The following AMPD3 variants were observed in gnomAD, a reference collection of about 807,000 sequenced individuals.
AMPD3 encodes adenosine monophosphate deaminase 3, also known as AMP deaminase 3.
In AMPD3, 57 loss-of-function variants were observed where a neutral mutation model predicts 82.3. The observed-to-expected ratio is 0.69, with a 90% CI of 0.56 to 0.86. The LOEUF (loss-of-function observed/expected upper bound fraction) is 0.86, where lower values mean the gene tolerates loss of function less well. Among genes scored for constraint, AMPD3 ranks in the 40% least tolerant of loss-of-function variants. The probability of loss-of-function intolerance (pLI) is 0.00; values close to 1 mark genes in which losing one functional copy is unlikely to be tolerated. For synonymous variants in AMPD3, 381 were observed against 394.7 expected, an observed-to-expected ratio of 0.97 and a Z score of 0.41; for missense variants, 870 against 1,003.8, an observed-to-expected ratio of 0.87 and a Z score of 1.80.
chr11:10,479,928 C>T (rs1026910953), intron 3 of AMPD3: 1 of 985,312 alleles, frequency 1.0e-6, no homozygotes, highest in African/African-American at 1.7e-5. Context: ...GTCTGGAGAT[C>T]AGCATCCTGA....
At chr11:10,466,324 G>C (rs892646883) in intron 2 of AMPD3, among the ~76,000 whole-genome samples, 2 of 152,010 alleles carry the variant, frequency 1.3e-5, no homozygotes, top group African/African-American at 2.4e-5. Context: ...AGCAGTCTGA[G>C]ATCAATCTGG....
chr11:10,501,292 G>C (rs1347518334), intron 11 of AMPD3, 178 bp from the exon 12 acceptor site: 8 of 985,246 alleles, frequency 8.1e-6, no homozygotes, highest in Non-Finnish European at 8.4e-6. Context: ...TGGTTCTAAG[G>C]GGCCCCAGGG....
At chr11:10,472,404 G>A (rs1366035514) in intron 2 of AMPD3, among the ~76,000 whole-genome samples, 1 of 151,778 alleles carries the variant, frequency 6.6e-6, no homozygotes, top group Non-Finnish European at 1.5e-5. Flanking sequence ...TAACAAACCT[G>A]CACATTCTTT....
intron 2 of AMPD3, among the ~76,000 whole-genome samples, chr11:10,477,441 C>A (rs1848773039): frequency 6.6e-6 from 1 of 152,166 alleles, no homozygotes; most frequent in South Asian, 2.1e-4. Context: ...GTGCTGATGG[C>A]CTCACCTTAA....
At chr11:10,476,457 G>A (rs532992945) in intron 2 of AMPD3, among the ~76,000 whole-genome samples, 1 of 116,132 alleles carries the variant, frequency 8.6e-6, no homozygotes, top group South Asian at 2.6e-4. Flanking sequence ...CAGCATTTGG[G>A]CTGTAGTGTT....
intron 10 of AMPD3, chr11:10,497,504 C>T (rs890251886): frequency 1.1e-4 from 95 of 903,696 alleles, no homozygotes; most frequent in Non-Finnish European, 1.2e-4. Context: ...TGCCTGGGAT[C>T]GAGGGGGTAT....
chr11:10,500,710 C>T, intron 11 of AMPD3: 1 of 984,766 alleles, frequency 1.0e-6, no homozygotes, highest in Non-Finnish European at 1.2e-6. Context: ...ATGCGATAGG[C>T]ATTGCCCTGG....
At chr11:10,482,021 G>A (rs1178764538) in intron 3 of AMPD3, 42 bp from the exon 4 acceptor site, 1 of 1,613,390 alleles carries the variant, frequency 6.2e-7, no homozygotes, top group African/African-American at 1.3e-5. Flanking sequence ...GCAGTCTCAG[G>A]CCTGCTGCAT....
chr11:10,475,120 G>T (rs995440335), intron 2 of AMPD3, among the ~76,000 whole-genome samples: 16 of 152,204 alleles, frequency 1.1e-4, no homozygotes, highest in Non-Finnish European at 2.1e-4. Flanking sequence ...ATCTGCTTCT[G>T]AGGAAGCCTC....
At chr11:10,502,013 A>T in intron 12 of AMPD3, 4 of 985,404 alleles carry the variant, frequency 4.1e-6, no homozygotes, top group Non-Finnish European at 4.8e-6. Context: ...TTGTTGGATG[A>T]AGGGTCTGCC....
chr11:10,484,550 G>A, intron 4 of AMPD3: 1 of 953,432 alleles, frequency 1.0e-6, no homozygotes, highest in Non-Finnish European at 1.2e-6. Context: ...TAGACACTCA[G>A]CAGTGAACAG....
chr11:10,492,914 A>T, intron 6 of AMPD3, among the ~76,000 whole-genome samples: 1 of 152,166 alleles, frequency 6.6e-6, no homozygotes, highest in East Asian at 1.9e-4. Context: ...GGGCAAAGGG[A>T]TGCAGTGTAC....
chr11:10,484,984 G>C lies in AMPD3; in HGVS notation c.754G>C (p.Glu252Gln), dbSNP rs1407928229. The change falls in exon 5 of 15, where the codon GAG (glutamate) becomes CAG (glutamine). Residue 252 changes from glutamate to glutamine, a missense_variant. Coordinates refer to ENST00000396553, the MANE Select transcript of AMPD3 (RefSeq NM_001025389.2). ...EPHSLPYPDL[E>Q]TYTVDMSHIL... ...GCACAGCCTACCCTACCCCGACCTG[G>C]AGACCTACACGGTGGACATGAGCCA... 4.3e-6 allele frequency: 7 copies of C among 1,613,190 alleles called. No homozygotes were observed. The East Asian group carries it at 1.6e-4, about 36-fold the overall frequency.
chr11:10,485,739 G>A (rs2133899477), intron 5 of AMPD3, among the ~76,000 whole-genome samples: 1 of 140,540 alleles, frequency 7.1e-6, no homozygotes, highest in East Asian at 1.9e-4. Flanking sequence ...TTTCTGGAGG[G>A]GAGCATGCAG....
intron 6 of AMPD3, among the ~76,000 whole-genome samples, chr11:10,491,706 G>GT (rs1849244746): frequency 6.6e-6 from 1 of 152,196 alleles, no homozygotes; most frequent in South Asian, 2.1e-4. Flanking sequence ...ATGACTCCCA[G>GT]TTTTTCAGCA....
At chr11:10,474,056 C>G (rs1848669667) in intron 2 of AMPD3, among the ~76,000 whole-genome samples, 2 of 152,164 alleles carry the variant, frequency 1.3e-5, no homozygotes, top group South Asian at 4.1e-4. Flanking sequence ...GCTCCCACCC[C>G]TAGTCTGGAT....
chr11:10,483,172 C>T (rs758059481), intron 4 of AMPD3, among the ~76,000 whole-genome samples: 6 of 152,090 alleles, frequency 3.9e-5, no homozygotes, highest in Admixed American at 1.3e-4. Context: ...TTTATGCTGC[C>T]GAGTTCAGGG....
Position 10,482,193 on chromosome 11 carries a change from C to T in AMPD3, c.557C>T (p.Ala186Val), listed in dbSNP as rs202051288. The T allele has an allele frequency of 6.4e-5, 103 of 1,613,180 alleles. 1 individual carries two copies. Among genetic ancestry groups the T allele is most frequent in the Middle Eastern group, 3.6e-4 (2 of 5,554 alleles). The change falls in exon 4 of 15, where the codon GCG becomes GTG. Residue 186 changes from alanine to valine, a missense_variant. Coordinates refer to ENST00000396553, the MANE Select transcript of AMPD3 (RefSeq NM_001025389.2). ...TCCCAGTACCTGGGTCATCCGCGGG[C>T]GGATACTGCACCTCCGGAAGAGGGC... is the stretch of plus-strand genomic sequence containing the variant. ...ITSQYLGHPRADTAPPEEGLP... is the reference protein window; with the variant it reads ...ITSQYLGHPRVDTAPPEEGLP...
chr11:10,499,971 T>A, intron 10 of AMPD3, 115 bp from the exon 11 acceptor site: 18 of 1,544,762 alleles, frequency 1.2e-5, no homozygotes, highest in Non-Finnish European at 1.3e-5. Context: ...AGCTGAGGTG[T>A]GAACCTGAGG....
Sources: allele counts gnomAD v4.1 joint callset (sites outside exome capture counted in the v4.1 genomes callset), GRCh38; gene constraint gnomAD v4.1.1; transcripts MANE v1.5; gene names NCBI Gene and HGNC (gene_info 2026-07-23, HGNC 2026-07-21).